ATN1: variants seen among roughly 807,000 people sequenced by gnomAD.
ATN1 encodes the protein atrophin 1.
Under a neutral mutation model 85.8 loss-of-function variants are expected in ATN1, and 19 were observed. The observed-to-expected ratio is 0.22, with a 90% confidence interval of 0.15 to 0.32. The LOEUF (loss-of-function observed/expected upper bound fraction) is 0.32, where lower values mean the gene tolerates loss of function less well. Among genes scored for constraint, ATN1 ranks in the 10% least tolerant of loss-of-function variants. The probability of loss-of-function intolerance (pLI) is 1.00; values close to 1 mark genes in which losing one functional copy is unlikely to be tolerated. For missense variants in ATN1, 1,453 were observed against 1,564.5 expected (o/e 0.93, Z 1.20); for synonymous variants, 674 against 657.0 (o/e 1.03, Z -0.39).
rs1254762140 is a variant in ATN1 at position 6,928,067 on chromosome 12, G to A, written c.-480G>A. Among the ~76,000 whole-genome samples the A allele has an allele frequency of 1.4e-5, 2 of 144,718 alleles. No individual in the cohort carries two copies. The highest frequency in any genetic ancestry group is 5.0e-5 in the African/African-American group (2 of 40,388). The allele number at this position is 144,718 out of a possible 152,430, so 94.9% of individuals were successfully genotyped here. On this transcript the variant is annotated 5_prime_UTR_variant, in exon 1 of 10. Coordinates refer to ENST00000396684, the MANE Select transcript of ATN1 (RefSeq NM_001940.4). ...CGAGGGCCGGGCGGGCCGCGGGGCCGGGCGGCGCGGCGGGGGCGGGCGGCG... is the reference window on the plus strand; with the variant it reads ...CGAGGGCCGGGCGGGCCGCGGGGCCAGGCGGCGCGGCGGGGGCGGGCGGCG...
In ATN1 at chr12:6,936,889, C is replaced by G; in HGVS notation, c.1622C>G (p.Pro541Arg). 6.2e-7 allele frequency: 1 copy of G among 1,614,030 alleles called. No individual in the cohort carries two copies. The change falls in exon 5 of 10, where the codon CCC becomes CGC. Residue 541 changes from proline to arginine, a missense_variant. Around this residue, in one of 6 missense-constraint regions of ATN1, gnomAD observed 990 missense variants for 914.8 expected, o/e 1.08. Coordinates refer to ENST00000396684, the MANE Select transcript of ATN1 (RefSeq NM_001940.4). ...TCTCCCTCCCTGGGGTCTCTGAGGC[C>G]CTACCCACCAGGGCCAGCACACCTG... ...AMSPSLGSLRPYPPGPAHLPP... is the reference protein window; with the variant it reads ...AMSPSLGSLRRYPPGPAHLPP...
chr12:6,936,299 T>C lies in ATN1; in HGVS notation c.1032T>C (p.Pro344=). Residue 344 remains proline, a synonymous_variant, in exon 5 of 10, where the codon CCT becomes CCC. Transcript: ENST00000396684. ...AMGQGMGGLP[P]GPEKGPTLAP... is the part of the protein sequence containing the mutation. Reference sequence around the variant, plus strand: ...GACAGGGTATGGGTGGACTTCCTCCTGGCCCAGAGAAGGGCCCAACTCTGG... The same window carrying C: ...GACAGGGTATGGGTGGACTTCCTCCCGGCCCAGAGAAGGGCCCAACTCTGG... 6.2e-7 allele frequency: 1 copy of C among 1,613,930 alleles called. No individual in the cohort carries two copies. Among genetic ancestry groups the C allele is most frequent in the Non-Finnish European group, 8.5e-7 (1 of 1,179,890 alleles).
At position 6,938,672 on chromosome 12, in the gene ATN1, A is replaced by G; in HGVS notation, c.2709A>G (p.Pro903=). 1.9e-6 allele frequency: 3 copies of G among 1,614,124 alleles called. No homozygotes were observed. In the East Asian group the frequency reaches 6.7e-5, roughly 36 times the overall value. ...HVMSPGNRNH[P]FYVPLGAVDP... ...TGTCTCCTGGCAATCGCAACCATCC[A>G]TTCTACGTGCCCCTGGGGGCAGTGG... Residue 903 remains proline (P), a synonymous_variant, in exon 7 of 10, where the codon CCA becomes CCG. Coordinates refer to ENST00000396684, the MANE Select transcript of ATN1 (RefSeq NM_001940.4).
rs1945560986 is a variant in ATN1 at position 6,937,344 on chromosome 12, G to C, written c.2077G>C (p.Gly693Arg). 1.3e-6 allele frequency: 2 copies of C among 1,554,410 alleles called. No individual in the cohort carries two copies. Among genetic ancestry groups the C allele is most frequent in the African/African-American group, 2.7e-5 (2 of 73,092 alleles). The stretch of plus-strand genomic sequence containing the variant: ...CTTCAAGCCGGGCTCGCCCACCGTG[G>C]GACCTGGGCCCCTGCCACCTGCGGG... ...GTFKPGSPTV[G>R]PGPLPPAGPS... The change falls in exon 5 of 10, where the codon GGA (glycine) becomes CGA (arginine). Residue 693 changes from glycine (G) to arginine (R), a missense_variant. By Grantham distance (125) the Gly-to-Arg change is moderately radical (BLOSUM62 -2). This residue lies in a region of ATN1 where 990 missense variants were observed against 914.8 expected (regional missense o/e 1.08). Transcript: ENST00000396684. The surrounding 1 kb of genome is among the most constrained non-coding windows in gnomAD (Gnocchi z 6.0).
rs1945595594 is a variant in ATN1 at position 6,938,920 on chromosome 12, T to C, written c.2957T>C (p.Leu986Pro). 6.2e-7 allele frequency: 1 copy of C among 1,613,904 alleles called. No individual in the cohort carries two copies. The highest frequency in any genetic ancestry group is 8.5e-7 in the Non-Finnish European group (1 of 1,180,000). ...GLALQPGPPG[L>P]HPFPFHPSLG... ...GCTCTGCAGCCTGGCCCACCTGGCCTGCACCCTTTCCCCTTTCATCCGAGC... is the reference window on the plus strand; with the variant it reads ...GCTCTGCAGCCTGGCCCACCTGGCCCGCACCCTTTCCCCTTTCATCCGAGC... Residue 986 changes from leucine (L) to proline (P), a missense_variant, in exon 7 of 10, where the codon CTG (leucine) becomes CCG (proline). Leu to Pro is a moderately conservative substitution (Grantham distance 98). Transcript: ENST00000396684.
chr12:6,937,582 G>A lies in ATN1; in HGVS notation c.2294+21G>A, dbSNP rs12426246. 21 of 1,474,700 alleles carry A rather than the reference G, an allele frequency of 1.4e-5. No individual in the cohort carries two copies. The highest frequency in any genetic ancestry group is 4.3e-5 in the African/African-American group (3 of 70,348). 91.4% of individuals were successfully genotyped at this position (1,474,700 alleles called of 1,614,324 possible). ...GCCAGGTGAGCGGCCAGGTGGGGCGGAGGTGGGCCTGGAAAGGGGACGACG... is the reference window on the plus strand; with the variant it reads ...GCCAGGTGAGCGGCCAGGTGGGGCGAAGGTGGGCCTGGAAAGGGGACGACG... On this transcript the variant is annotated intron_variant, in intron 5 of 9. Transcript: ENST00000396684. This position sits in a 1 kb window ranked among gnomAD's most constrained non-coding sequence, Gnocchi z 6.0.
At position 6,937,753 on chromosome 12, in the gene ATN1, G is replaced by A. The variant is rs1393561436; in HGVS notation, c.2295-92G>A. The A allele has an allele frequency of 3.6e-5, 52 of 1,460,554 alleles. No individual in the cohort carries two copies. The highest frequency in any genetic ancestry group is 4.6e-5 in the Non-Finnish European group (51 of 1,108,786). 90.5% of individuals were successfully genotyped at this position (1,460,554 alleles called of 1,614,324 possible). A position where few individuals can be genotyped will look rare whatever the true frequency, so the allele number is the denominator to read the frequency against. On this transcript the variant is annotated intron_variant, in intron 5 of 9. Transcript: ENST00000396684. This position sits in a 1 kb window ranked among gnomAD's most constrained non-coding sequence, Gnocchi z 6.0. ...CAGCCTGCAGGGGTGGTTTTGAGGCGGGGGCTACAAGCACTCGCCGGGGCC... is the reference window on the plus strand; with the variant it reads ...CAGCCTGCAGGGGTGGTTTTGAGGCAGGGGCTACAAGCACTCGCCGGGGCC...
chr12:6,938,843 A>C lies in ATN1; in HGVS notation c.2880A>C (p.Leu960=), dbSNP rs1457258604. The C allele has an allele frequency of 6.2e-7, 1 of 1,614,126 alleles. No individual in the cohort carries two copies. The highest frequency in any genetic ancestry group is 1.3e-5 in the African/African-American group (1 of 75,056). ...TGAAGCCTAGTGAGCTGGAACCCCT[A>C]CATGGGGTCCCTGGGCCGGGCTTGG... The part of the protein sequence containing the change: ...FEVKPSELEP[L]HGVPGPGLDP... Residue 960 remains leucine (L), a synonymous_variant, in exon 7 of 10, where the codon CTA becomes CTC. Coordinates refer to ENST00000396684, the MANE Select transcript of ATN1 (RefSeq NM_001940.4).
rs1307531675 is a variant in ATN1 at position 6,938,598 on chromosome 12, G to A, written c.2635G>A (p.Asp879Asn). The A allele has an allele frequency of 6.2e-7, 1 of 1,614,222 alleles. No individual in the cohort carries two copies. Among genetic ancestry groups the A allele is most frequent in the Non-Finnish European group, 8.5e-7 (1 of 1,180,032 alleles). Residue 879 changes from aspartate (D) to asparagine (N), a missense_variant, in exon 7 of 10, where the codon GAC becomes AAC. This residue lies in a region of ATN1 where 208 missense variants were observed against 263.4 expected (regional missense o/e 0.79). Coordinates refer to ENST00000396684, the MANE Select transcript of ATN1 (RefSeq NM_001940.4). ...TACAGTGCCCCCCTACCTGGGTCCT[G>A]ACACTCCAGCCTTGCGCACTCTCAG... ...VATVPPYLGPDTPALRTLSEY... is the reference protein window; with the variant it reads ...VATVPPYLGPNTPALRTLSEY...
chr12:6,938,075 C>A lies in ATN1; in HGVS notation c.2517+8C>A, dbSNP rs1282612508. 6.5e-7 allele frequency: 1 copy of A among 1,537,364 alleles called. No homozygotes were observed. Among genetic ancestry groups the A allele is most frequent in the Non-Finnish European group, 8.8e-7 (1 of 1,142,800 alleles). On this transcript the variant is annotated splice_region_variant and intron_variant, in intron 6 of 9. Coordinates refer to ENST00000396684, the MANE Select transcript of ATN1 (RefSeq NM_001940.4). Reference sequence around the variant, plus strand: ...GAGCTTGAACGCAGCGTGGTGAGTGCGTCACTGCCTGCGCCACCGCCTTCT... The same window carrying A: ...GAGCTTGAACGCAGCGTGGTGAGTGAGTCACTGCCTGCGCCACCGCCTTCT...
chr12:6,938,736 A>G lies in ATN1; in HGVS notation c.2773A>G (p.Ser925Gly). ...LLGYNVPALY[S>G]SDPAARERER... is the part of the protein sequence containing the mutation. ...GGGTTACAATGTCCCGGCCCTGTAC[A>G]GCAGTGATCCAGCTGCCCGGGAGAG... is the stretch of plus-strand genomic sequence containing the variant. The change falls in exon 7 of 10, where the codon AGC becomes GGC. Residue 925 changes from serine (S) to glycine (G), a missense_variant. By Grantham distance (56) the Ser-to-Gly change is moderately conservative (BLOSUM62 0). Coordinates refer to ENST00000396684, the MANE Select transcript of ATN1 (RefSeq NM_001940.4). 6.2e-7 allele frequency: 1 copy of G among 1,614,024 alleles called. No homozygotes were observed. Among genetic ancestry groups the G allele is most frequent in the South Asian group, 1.1e-5 (1 of 91,086 alleles).
At position 6,936,990 on chromosome 12, in the gene ATN1, T is replaced by A. The variant is rs782457075; in HGVS notation, c.1723T>A (p.Ser575Thr). ...GPPVSSSSNS[S>T]SSTSQGSYPC... is the part of the protein sequence containing the mutation. ...TCCAGTCTCTTCCTCTTCCAACTCT[T>A]CCTCTTCCACTTCTCAAGGGTCCTA... Residue 575 changes from serine (S) to threonine (T), a missense_variant, in exon 5 of 10, where the codon TCC (serine) becomes ACC (threonine). Coordinates refer to ENST00000396684, the MANE Select transcript of ATN1 (RefSeq NM_001940.4). The A allele has an allele frequency of 1.9e-5, 31 of 1,613,130 alleles. No individual in the cohort carries two copies. Among genetic ancestry groups the A allele is most frequent in the East Asian group, 8.9e-5 (4 of 44,814 alleles).
rs1019634955 is a variant in ATN1, at chr12:6,937,341, G to T, written c.2074G>T (p.Val692Leu). ...PGTFKPGSPT[V>L]GPGPLPPAGP... ...GACCTTCAAGCCGGGCTCGCCCACC[G>T]TGGGACCTGGGCCCCTGCCACCTGC... The change falls in exon 5 of 10, where the codon GTG (valine) becomes TTG (leucine). Residue 692 changes from valine to leucine, a missense_variant. Val to Leu is a conservative substitution (Grantham distance 32). Transcript: ENST00000396684. This position sits in a 1 kb window ranked among gnomAD's most constrained non-coding sequence, Gnocchi z 6.0. The T allele has an allele frequency of 2.6e-6, 4 of 1,555,108 alleles. No individual in the cohort carries two copies. The highest frequency in any genetic ancestry group is 3.5e-6 in the Non-Finnish European group (4 of 1,151,168).
rs369375027 is a variant in ATN1, at chr12:6,941,594, C to T, written c.3539+40C>T. On this transcript the variant is annotated intron_variant, in intron 9 of 9. Transcript: ENST00000396684. The surrounding 1 kb of genome is among the most constrained non-coding windows in gnomAD (Gnocchi z 5.9). ...CCCAGCCCAGGGGACATGGGCTCAGCGAGCCTGGGAGGAGCTGTGGGCATG... is the reference window on the plus strand; with the variant it reads ...CCCAGCCCAGGGGACATGGGCTCAGTGAGCCTGGGAGGAGCTGTGGGCATG... 2.7e-4 allele frequency: 428 copies of T among 1,609,020 alleles called. No individual in the cohort carries two copies. The highest frequency in any genetic ancestry group is 4.1e-4 in the African/African-American group (31 of 74,882).
At position 6,936,760 on chromosome 12, in the gene ATN1, AG is replaced by A. The variant is rs782697297; in HGVS notation, c.1494del (p.Gln498HisfsTer42). 34 of 1,437,898 alleles carry A rather than the reference AG, an allele frequency of 2.4e-5. No individual in the cohort carries two copies. The highest frequency in any genetic ancestry group is 3.1e-5 in the Non-Finnish European group (32 of 1,033,940). 89.1% of individuals were successfully genotyped at this position (1,437,898 alleles called of 1,614,324 possible). ...QQQQQQQQQQ[Q>X]QQQQHHGNSG... ...CAGCAGCAGCAGCAGCAGCAGCAGCAGCAGCAGCAGCAGCATCACGGAAACT... is the reference window on the plus strand; with the variant it reads ...CAGCAGCAGCAGCAGCAGCAGCAGCACAGCAGCAGCAGCATCACGGAAACT... On this transcript the variant is annotated frameshift_variant, in exon 5 of 10. Coordinates refer to ENST00000396684, the MANE Select transcript of ATN1 (RefSeq NM_001940.4). LOFTEE classifies it high-confidence loss of function.
Position 6,941,777 on chromosome 12 carries a change from G to A in ATN1, c.3570G>A (p.Leu1190=). 1.2e-6 allele frequency: 2 copies of A among 1,614,092 alleles called. No homozygotes were observed. Among genetic ancestry groups the A allele is most frequent in the Non-Finnish European group, 1.7e-6 (2 of 1,179,936 alleles). The part of the protein sequence containing the change: ...SHLKKESDKP[L] ...TGAAGAAGGAAAGCGACAAGCCACT[G>A]TAGAACCTGCGATCAAGAGAGCACC... is the stretch of plus-strand genomic sequence containing the variant. Residue 1190 remains leucine (L), a synonymous_variant, in exon 10 of 10, where the codon CTG becomes CTA. Coordinates refer to ENST00000396684, the MANE Select transcript of ATN1 (RefSeq NM_001940.4). This position sits in a 1 kb window ranked among gnomAD's most constrained non-coding sequence, Gnocchi z 5.9.
intron 1 of ATN1, among the ~76,000 whole-genome samples, chr12:6,929,137 C>G (rs1945432377): frequency 6.6e-6 from 1 of 152,028 alleles, no homozygotes; most frequent in African/African-American, 2.4e-5. Context: ...GTGGGTTATC[C>G]CAAAACTAGT....
Position 6,937,775 on chromosome 12 carries a change from G to C in ATN1, c.2295-70G>C, listed in dbSNP as rs1346866626. ...GGCGGGGGCTACAAGCACTCGCCGG[G>C]GCCGCGGCGCTGCGGGCTCCATCGG... On this transcript the variant is annotated intron_variant, in intron 5 of 9. Transcript: ENST00000396684. This position sits in a 1 kb window ranked among gnomAD's most constrained non-coding sequence, Gnocchi z 6.0. 4.1e-6 allele frequency: 6 copies of C among 1,473,700 alleles called. No individual in the cohort carries two copies. The African/African-American group carries it at 7.1e-5, about 17-fold the overall frequency. The allele number at this position is 1,473,700 out of a possible 1,614,324, so 91.3% of individuals were successfully genotyped here.
At chr12:6,940,615 C>T (rs1257177680) in intron 7 of ATN1, among the ~76,000 whole-genome samples, 1 of 152,074 alleles carries the variant, frequency 6.6e-6, no homozygotes, top group Non-Finnish European at 1.5e-5. Flanking sequence ...ACCTTCTTCA[C>T]GCAGTCTACC....
Sources: allele counts gnomAD v4.1 joint callset (sites outside exome capture counted in the v4.1 genomes callset), GRCh38; gene constraint gnomAD v4.1.1; regional missense constraint gnomAD v4.1.1; non-coding constraint Gnocchi (gnomAD v3.1); transcripts MANE v1.5; gene names NCBI Gene and HGNC (gene_info 2026-07-23, HGNC 2026-07-21).